Variants in SEMA6A observed in about 807,000 individuals in gnomAD.
SEMA6A encodes the protein semaphorin 6A, also known as semaphorin-6A.
In SEMA6A, 25 loss-of-function variants were observed where a neutral mutation model predicts 96.8. The ratio of observed to expected loss-of-function variants is 0.26; its 90% CI spans 0.19 to 0.36. The LOEUF (loss-of-function observed/expected upper bound fraction) is 0.36. Ranked by LOEUF, SEMA6A falls within the 10% of genes least tolerant of loss-of-function variation. SEMA6A has a pLI of 1.00. For synonymous variants in SEMA6A, 612 were observed against 518.0 expected, an observed-to-expected ratio of 1.18 and a Z score of -2.46; for missense variants, 1,363 against 1,323.1, an observed-to-expected ratio of 1.03 and a Z score of -0.47.
At chr5:116,522,543 A>C (rs1759007177) in intron 1 of SEMA6A, among the ~76,000 whole-genome samples, 1 of 152,224 alleles carries the variant, frequency 6.6e-6, no homozygotes, top group African/African-American at 2.4e-5. Flanking sequence ...ACAGCACTAT[A>C]AACCCGCCTG....
intron 18 of SEMA6A, among the ~76,000 whole-genome samples, chr5:116,462,523 T>A (rs1228182137): frequency 6.6e-6 from 1 of 152,202 alleles, no homozygotes; most frequent in African/African-American, 2.4e-5. Context: ...TTAACAAGCC[T>A]AGAGTGGCTA....
rs72812704 is a variant in SEMA6A at position 116,497,454 on chromosome 5, G to T, written c.219-67C>A. 3,315 of 970,310 alleles carry T rather than the reference G, an allele frequency of 3.4e-3. 23 individuals carry two copies. The highest frequency in any genetic ancestry group is 3.4e-3 in the Non-Finnish European group (2,135 of 622,700). 60.1% of individuals were successfully genotyped at this position (970,310 alleles called of 1,614,324 possible). A position where few individuals can be genotyped will look rare whatever the true frequency, so the allele number is the denominator to read the frequency against. On this transcript the variant is annotated intron_variant, in intron 3 of 18. Transcript: ENST00000343348. ...CAAAACAGTTCATTTTCTGCTTAAT[G>T]AGTTATGTCTTATCAGGGCAGATAA... is the stretch of plus-strand genomic sequence containing the variant.
intron 18 of SEMA6A, among the ~76,000 whole-genome samples, chr5:116,453,260 AT>A (rs1481788405): frequency 6.6e-6 from 1 of 151,974 alleles, no homozygotes; most frequent in East Asian, 1.9e-4. Context: ...GTCCCTACTC[AT>A]TTTCCCACTC....
chr5:116,490,860 T>A (rs1757294783), intron 7 of SEMA6A, among the ~76,000 whole-genome samples: 2 of 152,184 alleles, frequency 1.3e-5, no homozygotes, highest in South Asian at 4.1e-4. Flanking sequence ...AACACTTCTC[T>A]TACACCCACC....
rs758191729 is a variant in SEMA6A at position 116,480,185 on chromosome 5, G to T, written c.1187C>A (p.Pro396Gln). Residue 396 changes from proline to glutamine, a missense_variant, in exon 12 of 19, where the codon CCG becomes CAG. Physicochemically the swap from Pro to Gln is moderately conservative, Grantham distance 76. Around this residue, in one of 2 missense-constraint regions of SEMA6A, gnomAD observed 480 missense variants for 559.5 expected, o/e 0.86. Coordinates refer to ENST00000343348, the MANE Select transcript of SEMA6A (RefSeq NM_020796.5). Reference protein sequence around the residue: ...DDTLNFIKTHPLMDEAVPSIF... With the variant: ...DDTLNFIKTHQLMDEAVPSIF... ...GGAGGGCACTGCCTCATCCATGAGCGGGTGCGTCTTGATGAAGTTCAGGGT... is the reference window on the plus strand; with the variant it reads ...GGAGGGCACTGCCTCATCCATGAGCTGGTGCGTCTTGATGAAGTTCAGGGT... 1 of 1,613,802 alleles carries T rather than the reference G, an allele frequency of 6.2e-7. No individual in the cohort carries two copies. Among genetic ancestry groups the T allele is most frequent in the Non-Finnish European group, 8.5e-7 (1 of 1,179,772 alleles).
intron 1 of SEMA6A, among the ~76,000 whole-genome samples, chr5:116,506,963 T>G (rs189937285): frequency 6.6e-6 from 1 of 152,194 alleles, no homozygotes. Context: ...CCTGCTACTT[T>G]ATTATATCCC....
chr5:116,520,366 C>T (rs1485183959), intron 1 of SEMA6A, among the ~76,000 whole-genome samples: 1 of 151,470 alleles, frequency 6.6e-6, no homozygotes, highest in Non-Finnish European at 1.5e-5. Context: ...AATGTAAGCT[C>T]TATGTGGGTA....
In SEMA6A at chr5:116,486,669, A is replaced by G. The variant is rs1226435138; in HGVS notation, c.962+80T>C. 4.3e-6 allele frequency: 5 copies of G among 1,149,724 alleles called. No homozygotes were observed. In the East Asian group the frequency reaches 1.2e-4, roughly 27 times the overall value. The allele number at this position is 1,149,724 out of a possible 1,614,324, so 71.2% of individuals were successfully genotyped here. A position where few individuals can be genotyped will look rare whatever the true frequency, so the allele number is the denominator to read the frequency against. ...ATGCAATTTTCAGTCAGTTGCAAAT[A>G]TGGTTTATTAGAAGAGAACCCCCTG... On this transcript the variant is annotated intron_variant, in intron 10 of 18. Coordinates refer to ENST00000343348, the MANE Select transcript of SEMA6A (RefSeq NM_020796.5).
intron 1 of SEMA6A, among the ~76,000 whole-genome samples, chr5:116,513,527 T>A (rs2112796914): frequency 6.6e-6 from 1 of 152,302 alleles, no homozygotes; most frequent in Admixed American, 6.5e-5. Flanking sequence ...ATGTATGGCT[T>A]ACTTGTAAAA....
At position 116,530,498 on chromosome 5, in the gene SEMA6A, G is replaced by A. The variant is rs571449984; in HGVS notation, c.-38-25516C>T. 3.3e-5 allele frequency among the ~76,000 whole-genome samples: 5 copies of A among 152,162 alleles called. No individual in the cohort carries two copies. The South Asian group carries it at 8.3e-4, about 25-fold the overall frequency. ...AATTATAACTCAGCTGTTCCATACC[G>A]TATTAAGATTGAAATCTGGCATCCC... On this transcript the variant is annotated intron_variant, in intron 1 of 18. Coordinates refer to ENST00000343348, the MANE Select transcript of SEMA6A (RefSeq NM_020796.5).
intron 5 of SEMA6A, 140 bp downstream of exon 5, chr5:116,496,111 T>C: frequency 1.4e-6 from 1 of 705,216 alleles, no homozygotes; most frequent in South Asian, 1.8e-5. Flanking sequence ...ATTAAAGCCT[T>C]CAGTAAGTTG....
intron 18 of SEMA6A, among the ~76,000 whole-genome samples, chr5:116,458,595 C>A (rs896794237): frequency 6.6e-6 from 1 of 152,068 alleles, no homozygotes; most frequent in African/African-American, 2.4e-5. Context: ...TTAAGTCCTT[C>A]ATTTTTTGAG....
chr5:116,528,387 C>A (rs1462893856), intron 1 of SEMA6A, among the ~76,000 whole-genome samples: 1 of 152,146 alleles, frequency 6.6e-6, no homozygotes, highest in Admixed American at 6.6e-5. Flanking sequence ...CTGCCCAGCC[C>A]CATCCTCATT....
chr5:116,567,962 G>A (rs1197094649), intron 1 of SEMA6A, among the ~76,000 whole-genome samples: 2 of 152,166 alleles, frequency 1.3e-5, no homozygotes, highest in East Asian at 3.8e-4. Flanking sequence ...AATGTTGAAA[G>A]CAATGTTTCC....
At chr5:116,488,559 ACCT>A (rs1757176692) in intron 8 of SEMA6A, among the ~76,000 whole-genome samples, 1 of 151,878 alleles carries the variant, frequency 6.6e-6, no homozygotes, top group South Asian at 2.1e-4. Context: ...CTTCTCCACC[ACCT>A]CCAAGCCCCT....
At chr5:116,447,840 G>A (rs1311119989) in intron 18 of SEMA6A, 29 bp from the exon 19 acceptor site, 9 of 1,521,684 alleles carry the variant, frequency 5.9e-6, no homozygotes, top group Non-Finnish European at 8.0e-6. Context: ...ATGGCGTTAA[G>A]AAATGAAAGC....
At chr5:116,490,122 A>G (rs1757261197) in intron 7 of SEMA6A, among the ~76,000 whole-genome samples, 1 of 152,208 alleles carries the variant, frequency 6.6e-6, no homozygotes, top group Admixed American at 6.5e-5. Flanking sequence ...TGGTCTTAAA[A>G]TAATTAAAAT....
chr5:116,520,338 G>A (rs1170962300), intron 1 of SEMA6A, among the ~76,000 whole-genome samples: 1 of 127,812 alleles, frequency 7.8e-6, no homozygotes, highest in Admixed American at 8.3e-5. Flanking sequence ...GCTTTTGTCT[G>A]TTCCTCCCCT....
intron 17 of SEMA6A, 102 bp downstream of exon 17, chr5:116,472,971 A>C: frequency 1.3e-6 from 2 of 1,515,582 alleles, no homozygotes; most frequent in Non-Finnish European, 1.8e-6. Context: ...AATTAATTAA[A>C]AAGAAACTTA....
Sources: gnomAD v4.1 joint callset for allele counts (sites outside exome capture counted in the v4.1 genomes callset) on GRCh38, gnomAD v4.1.1 for gene constraint, gnomAD v4.1.1 regional missense constraint, MANE v1.5 for transcripts, NCBI Gene and HGNC (gene_info 2026-07-23, HGNC 2026-07-21) for gene names.